The following CEP112 variants were observed in gnomAD, a reference collection of about 807,000 sequenced individuals.
CEP112 encodes centrosomal protein of 112 kDa.
CEP112 carries 127 observed loss-of-function variants against 153.0 expected under a neutral mutation model. The ratio of observed to expected loss-of-function variants is 0.83; its 90% CI spans 0.72 to 0.96. The LOEUF (loss-of-function observed/expected upper bound fraction) is 0.96. Among genes scored for constraint, CEP112 ranks in the 40% least tolerant of loss-of-function variants. The pLI, the probability that CEP112 is intolerant of heterozygous loss-of-function variation, is 0.00. For missense variants in CEP112, 1,089 were observed against 1,101.2 expected (o/e 0.99, Z 0.16); for synonymous variants, 358 against 374.4 (o/e 0.96, Z 0.51).
At chr17:66,129,092 GA>G (rs1036336472) in intron 6 of CEP112, among the ~76,000 whole-genome samples, 14 of 148,824 alleles carry the variant, frequency 9.4e-5, no homozygotes, top group African/African-American at 2.2e-4. Context: ...AGTGAAATGA[GA>G]AAAAAAAAAT....
intron 20 of CEP112, among the ~76,000 whole-genome samples, chr17:65,898,222 G>A (rs1273301843): frequency 6.6e-6 from 1 of 151,968 alleles, no homozygotes; most frequent in African/African-American, 2.4e-5. Flanking sequence ...CATGTATGTA[G>A]GTATAACAAG....
At chr17:65,663,358 G>C (rs2046496606) in intron 24 of CEP112, among the ~76,000 whole-genome samples, 1 of 152,194 alleles carries the variant, frequency 6.6e-6, no homozygotes, top group Non-Finnish European at 1.5e-5. Flanking sequence ...TTATGGCAAA[G>C]TAGATGTTTG....
chr17:65,843,180 G>A (rs1038559060), intron 21 of CEP112, among the ~76,000 whole-genome samples: 14 of 152,034 alleles, frequency 9.2e-5, no homozygotes, highest in African/African-American at 3.1e-4. Context: ...TTCAAATTAT[G>A]TACACATCCT....
At chr17:65,820,077 G>T (rs2056453157) in intron 21 of CEP112, among the ~76,000 whole-genome samples, 1 of 152,044 alleles carries the variant, frequency 6.6e-6, no homozygotes, top group African/African-American at 2.4e-5. Flanking sequence ...TAACATTTCA[G>T]TAAGTGTAAA....
chr17:66,061,064 C>G (rs1330509633), intron 11 of CEP112, among the ~76,000 whole-genome samples: 1 of 151,532 alleles, frequency 6.6e-6, no homozygotes, highest in Non-Finnish European at 1.5e-5. Context: ...AACTCAATAG[C>G]AAAAAAACAA....
intron 8 of CEP112, among the ~76,000 whole-genome samples, chr17:66,095,919 A>G (rs982861615): frequency 1.3e-5 from 2 of 152,098 alleles, no homozygotes; most frequent in East Asian, 3.9e-4. Flanking sequence ...TACCAAAAAA[A>G]AAAAATTTTA....
At chr17:65,889,572 T>C (rs2059394562) in intron 20 of CEP112, among the ~76,000 whole-genome samples, 1 of 152,026 alleles carries the variant, frequency 6.6e-6, no homozygotes, top group African/African-American at 2.4e-5. Context: ...TCACCTTCTC[T>C]TTAAGCAGTG....
At chr17:65,968,285 T>C (rs1450605258) in intron 17 of CEP112, among the ~76,000 whole-genome samples, 1 of 152,074 alleles carries the variant, frequency 6.6e-6, no homozygotes, top group Non-Finnish European at 1.5e-5. Flanking sequence ...ATCTGAAATA[T>C]TTATTTCCTT....
At chr17:65,915,787 CAAAAAAA>C (rs755351021) in intron 19 of CEP112, among the ~76,000 whole-genome samples, 7 of 56,592 alleles carry the variant, frequency 1.2e-4, no homozygotes, top group South Asian at 1.3e-3. Context: ...GACTCAAACT[CAAAAAAA>C]AAAAAAAAAA....
At chr17:66,007,021 T>C (rs2064305148) in intron 16 of CEP112, among the ~76,000 whole-genome samples, 1 of 152,226 alleles carries the variant, frequency 6.6e-6, no homozygotes, top group Admixed American at 6.5e-5. Context: ...TGGAGACCTA[T>C]TTAACTCAAA....
intron 21 of CEP112, among the ~76,000 whole-genome samples, chr17:65,783,707 G>A (rs1463983325): frequency 6.6e-6 from 1 of 152,174 alleles, no homozygotes; most frequent in Non-Finnish European, 1.5e-5. Context: ...TAAGTATGAT[G>A]CCCATACAAA....
chr17:65,868,864 G>A (rs760108139), intron 20 of CEP112, among the ~76,000 whole-genome samples: 2 of 152,164 alleles, frequency 1.3e-5, no homozygotes, highest in Non-Finnish European at 2.9e-5. Context: ...TAAGTCACAA[G>A]TTATATAGTT....
At chr17:66,090,166 T>A (rs990757270) in intron 8 of CEP112, among the ~76,000 whole-genome samples, 1 of 152,050 alleles carries the variant, frequency 6.6e-6, no homozygotes, top group African/African-American at 2.4e-5. Flanking sequence ...TAGACTTGTC[T>A]TACAAAAATG....
intron 19 of CEP112, chr17:65,913,438 A>C (rs998599135): frequency 2.2e-6 from 2 of 920,836 alleles, no homozygotes; most frequent in Non-Finnish European, 2.6e-6. Context: ...AAAATACTAC[A>C]ATCTGGTCTT....
chr17:66,094,159 A>C (rs1229138132), intron 8 of CEP112, among the ~76,000 whole-genome samples: 1 of 152,146 alleles, frequency 6.6e-6, no homozygotes, highest in Non-Finnish European at 1.5e-5. Flanking sequence ...TCCCAGGTTC[A>C]AGCGATTCTC....
chr17:65,991,747 A>G (rs1012642581), intron 17 of CEP112, among the ~76,000 whole-genome samples: 2 of 151,862 alleles, frequency 1.3e-5, no homozygotes, highest in African/African-American at 4.8e-5. Context: ...CCTTAATTCA[A>G]TTTTTTTTCC....
intron 25 of CEP112, among the ~76,000 whole-genome samples, chr17:65,639,395 C>T (rs1310835899): frequency 6.6e-6 from 1 of 152,020 alleles, no homozygotes; most frequent in Non-Finnish European, 1.5e-5. Flanking sequence ...ATGTCTTAAA[C>T]TTCAAAGTGG....
intron 20 of CEP112, among the ~76,000 whole-genome samples, chr17:65,894,382 A>G (rs933484147): frequency 6.6e-6 from 1 of 152,058 alleles, no homozygotes; most frequent in African/African-American, 2.4e-5. Context: ...TTTTCTAATT[A>G]TACCCTTGTA....
intron 2 of CEP112, among the ~76,000 whole-genome samples, chr17:66,181,616 A>G (rs1445838032): frequency 4.6e-5 from 7 of 152,068 alleles, no homozygotes; most frequent in Non-Finnish European, 1.0e-4. Context: ...CAGCCTCCCA[A>G]AGTACTCGGA....
Sources: gnomAD v4.1 joint callset for allele counts (sites outside exome capture counted in the v4.1 genomes callset) on GRCh38, gnomAD v4.1.1 for gene constraint, MANE v1.5 for transcripts, NCBI Gene and HGNC (gene_info 2026-07-23, HGNC 2026-07-21) for gene names.